Variants in NRXN3 observed in about 807,000 individuals in gnomAD.
NRXN3 encodes neurexin 3, also known as neurexin III.
A neutral mutation model predicts 137.6 loss-of-function variants in NRXN3; 32 were observed. The ratio of observed to expected loss-of-function variants is 0.23; its 90% CI spans 0.18 to 0.31. NRXN3 has a LOEUF of 0.31. Among genes scored for constraint, NRXN3 ranks in the 10% least tolerant of loss-of-function variants. The probability of loss-of-function intolerance (pLI) is 1.00; values close to 1 mark genes in which losing one functional copy is unlikely to be tolerated. For synonymous variants in NRXN3, 798 were observed against 784.5 expected (o/e 1.02, Z -0.29); for missense variants, 1,574 against 2,062.5 (o/e 0.76, Z 4.59).
At chr14:78,624,295 G>C (rs564792814) in intron 4 of NRXN3, among the ~76,000 whole-genome samples, 2 of 152,202 alleles carry the variant, frequency 1.3e-5, no homozygotes, top group Non-Finnish European at 2.9e-5. Flanking sequence ...GTTATGTCTT[G>C]ATTACATTGG....
chr14:79,489,202 A>G (rs1249613478), intron 16 of NRXN3, among the ~76,000 whole-genome samples: 2 of 152,108 alleles, frequency 1.3e-5, no homozygotes, highest in Non-Finnish European at 2.9e-5. Context: ...TTGCACCAAG[A>G]TTAAATAATA....
intron 4 of NRXN3, among the ~76,000 whole-genome samples, chr14:78,449,602 C>T (rs1370079651): frequency 2.0e-5 from 3 of 152,160 alleles, no homozygotes; most frequent in Non-Finnish European, 2.9e-5. Flanking sequence ...AGAGCGTTCA[C>T]GTTTATATCA....
intron 15 of NRXN3, among the ~76,000 whole-genome samples, chr14:79,275,748 A>T (rs962660694): frequency 6.6e-6 from 1 of 151,900 alleles, no homozygotes; most frequent in Admixed American, 6.6e-5. Flanking sequence ...GGGGACATTT[A>T]AAAAGCAAGA....
chr14:79,254,744 G>C (rs902429756), intron 15 of NRXN3, among the ~76,000 whole-genome samples: 68 of 152,092 alleles, frequency 4.5e-4, no homozygotes, highest in Non-Finnish European at 4.0e-4. Flanking sequence ...CTTTAGAGGG[G>C]AAACTAGTGA....
rs561173573 is a variant in NRXN3 at position 78,989,761 on chromosome 14, A to G, written c.3262+1620A>G. 2.6e-5 allele frequency among the ~76,000 whole-genome samples: 4 copies of G among 152,294 alleles called. No individual in the cohort carries two copies. The South Asian group carries it at 6.2e-4, about 24-fold the overall frequency. ...CTAAATGGTGGCATAATGCTTCTTT[A>G]TCCTCACAAGTTTATTTCTTGTCGC... is the stretch of plus-strand genomic sequence containing the variant. On this transcript the variant is annotated intron_variant, in intron 15 of 20. Coordinates refer to ENST00000335750, the MANE Select transcript of NRXN3 (RefSeq NM_001330195.2).
At chr14:79,437,176 C>A (rs1011596101) in intron 15 of NRXN3, among the ~76,000 whole-genome samples, 1 of 152,058 alleles carries the variant, frequency 6.6e-6, no homozygotes, top group East Asian at 1.9e-4. Context: ...TTCTTTTCCC[C>A]AAATTCTGAG....
At chr14:78,831,419 C>A (rs1181643947) in intron 10 of NRXN3, among the ~76,000 whole-genome samples, 1 of 151,100 alleles carries the variant, frequency 6.6e-6, no homozygotes, top group Non-Finnish European at 1.5e-5. Context: ...GCCTGTAATC[C>A]CAGCTACTTG....
At chr14:79,238,697 G>A (rs1054724911) in intron 15 of NRXN3, among the ~76,000 whole-genome samples, 1 of 152,018 alleles carries the variant, frequency 6.6e-6, no homozygotes, top group Non-Finnish European at 1.5e-5. Flanking sequence ...TTTTTAAAAA[G>A]GCATTCCAGC....
intron 6 of NRXN3, among the ~76,000 whole-genome samples, chr14:78,700,923 C>T (rs1307727280): frequency 6.6e-6 from 1 of 152,118 alleles, no homozygotes. Context: ...AGGCATCCAC[C>T]ACCATGCCTG....
chr14:78,986,110 G>A (rs776892798), intron 14 of NRXN3, among the ~76,000 whole-genome samples: 7 of 151,996 alleles, frequency 4.6e-5, no homozygotes, highest in Non-Finnish European at 1.0e-4. Flanking sequence ...CATCTCTTTT[G>A]AACATGCGTC....
chr14:78,285,630 T>A (rs145726517), intron 3 of NRXN3, among the ~76,000 whole-genome samples: 54 of 152,284 alleles, frequency 3.5e-4, no homozygotes, highest in African/African-American at 1.3e-3. Flanking sequence ...AGCCTAGAAC[T>A]CTGACAATAC....
intron 15 of NRXN3, among the ~76,000 whole-genome samples, chr14:79,445,875 A>T (rs1313671328): frequency 2.0e-5 from 3 of 152,250 alleles, no homozygotes; most frequent in South Asian, 2.1e-4. Context: ...AGGCAATTGG[A>T]ATCCATTTGA....
chr14:78,738,422 C>A (rs775202338), intron 8 of NRXN3, among the ~76,000 whole-genome samples: 18 of 152,158 alleles, frequency 1.2e-4, no homozygotes, highest in Non-Finnish European at 2.2e-4. Flanking sequence ...GGAATGTCAG[C>A]TGATATGAAA....
intron 15 of NRXN3, among the ~76,000 whole-genome samples, chr14:79,315,682 G>A (rs189124540): frequency 6.6e-6 from 1 of 152,090 alleles, no homozygotes; most frequent in South Asian, 2.1e-4. Flanking sequence ...TCCTAACCAG[G>A]TTAATTATTT....
chr14:78,498,852 C>T (rs2095834693), intron 4 of NRXN3, among the ~76,000 whole-genome samples: 1 of 151,886 alleles, frequency 6.6e-6, no homozygotes, highest in South Asian at 2.1e-4. Context: ...CCTTGAACTC[C>T]TGGGTTCAAG....
intron 15 of NRXN3, among the ~76,000 whole-genome samples, chr14:79,260,193 C>T (rs1334202462): frequency 1.3e-5 from 2 of 152,090 alleles, no homozygotes; most frequent in South Asian, 2.1e-4. Flanking sequence ...TACACAAATA[C>T]ATATATCTTA....
intron 17 of NRXN3, among the ~76,000 whole-genome samples, chr14:79,677,229 T>G (rs559810848): frequency 6.6e-6 from 1 of 152,136 alleles, no homozygotes; most frequent in African/African-American, 2.4e-5. Flanking sequence ...GATTGCCAAG[T>G]ATAATTAAAC....
chr14:79,745,035 AGCAGGT>A (rs2098975244), intron 19 of NRXN3, among the ~76,000 whole-genome samples: 1 of 149,810 alleles, frequency 6.7e-6, no homozygotes. Context: ...AAAAAAAAAA[AGCAGGT>A]AGAAAGGCAC....
intron 15 of NRXN3, among the ~76,000 whole-genome samples, chr14:79,292,834 T>G (rs938038826): frequency 1.3e-5 from 2 of 152,192 alleles, no homozygotes; most frequent in African/African-American, 4.8e-5. Context: ...TAGCTTAGAA[T>G]GTAAAGATCA....
Sources: gnomAD v4.1 joint callset for allele counts (sites outside exome capture counted in the v4.1 genomes callset) on GRCh38, gnomAD v4.1.1 for gene constraint, MANE v1.5 for transcripts, NCBI Gene and HGNC (gene_info 2026-07-23, HGNC 2026-07-21) for gene names.